CARMIL1: variants seen among roughly 807,000 people sequenced by gnomAD.
The protein encoded by CARMIL1 is F-actin-uncapping protein LRRC16A.
A neutral mutation model predicts 177.1 loss-of-function variants in CARMIL1; 90 were observed. That is an observed-to-expected ratio of 0.51 (90% CI 0.43 to 0.61). The LOEUF is 0.61. Among genes scored for constraint, CARMIL1 ranks in the 20% least tolerant of loss-of-function variants. CARMIL1 has a pLI of 0.00. For missense variants in CARMIL1, 1,380 were observed against 1,667.0 expected (o/e 0.83, Z 3.00); for synonymous variants, 577 against 606.2 (o/e 0.95, Z 0.71).
At chr6:25,488,011 A>G (rs926304109) in intron 12 of CARMIL1, among the ~76,000 whole-genome samples, 1 of 152,194 alleles carries the variant, frequency 6.6e-6, no homozygotes, top group Non-Finnish European at 1.5e-5. Context: ...TGTTTCCTTG[A>G]ATGTAATACA....
intron 4 of CARMIL1, 120 bp downstream of exon 4, chr6:25,426,680 A>T (rs1796308150): frequency 3.7e-6 from 3 of 816,354 alleles, no homozygotes; most frequent in Non-Finnish European, 5.7e-6. Flanking sequence ...TTTTGAAATG[A>T]GAGACTCAAC....
intron 4 of CARMIL1, among the ~76,000 whole-genome samples, chr6:25,429,237 G>A (rs1796527286): frequency 6.6e-6 from 1 of 152,172 alleles, no homozygotes; most frequent in South Asian, 2.1e-4. Flanking sequence ...GATTTCCAAT[G>A]TCCAAGGGTT....
intron 23 of CARMIL1, among the ~76,000 whole-genome samples, chr6:25,523,478 T>C (rs1445422889): frequency 2.0e-5 from 3 of 152,170 alleles, no homozygotes; most frequent in African/African-American, 7.2e-5. Flanking sequence ...AAGGTGACCA[T>C]GAGGATCCAG....
intron 17 of CARMIL1, among the ~76,000 whole-genome samples, chr6:25,501,992 TAAA>T (rs34408599): frequency 2.1e-5 from 2 of 97,258 alleles, no homozygotes; most frequent in East Asian, 3.3e-4. Context: ...AGACATATTG[TAAA>T]AAAAAAAAAA....
At chr6:25,464,593 C>T (rs1473488367) in intron 8 of CARMIL1, among the ~76,000 whole-genome samples, 1 of 152,150 alleles carries the variant, frequency 6.6e-6, no homozygotes. Context: ...TTGTCCTGCA[C>T]TGAGCATAAA....
At chr6:25,582,270 C>T (rs1414705961) in intron 31 of CARMIL1, among the ~76,000 whole-genome samples, 5 of 152,134 alleles carry the variant, frequency 3.3e-5, no homozygotes, top group Admixed American at 2.0e-4. Context: ...CTGTCATTCC[C>T]GACAGGAGAT....
At chr6:25,403,428 G>C (rs751942087) in intron 2 of CARMIL1, among the ~76,000 whole-genome samples, 1 of 152,108 alleles carries the variant, frequency 6.6e-6, no homozygotes, top group Non-Finnish European at 1.5e-5. Flanking sequence ...GGCAGTCAGA[G>C]ATTGGCCTTC....
chr6:25,373,327 A>T (rs1790613217), intron 2 of CARMIL1, among the ~76,000 whole-genome samples: 1 of 150,434 alleles, frequency 6.6e-6, no homozygotes, highest in Non-Finnish European at 1.5e-5. Context: ...TAGTTTCAGC[A>T]GATTGGTACC....
chr6:25,501,747 T>C (rs1804360312), intron 17 of CARMIL1, among the ~76,000 whole-genome samples: 2 of 152,164 alleles, frequency 1.3e-5, no homozygotes, highest in Non-Finnish European at 1.5e-5. Context: ...TGTCATACTA[T>C]ATTTTGTATT....
intron 5 of CARMIL1, among the ~76,000 whole-genome samples, chr6:25,448,529 A>G (rs1391226614): frequency 6.6e-6 from 1 of 152,086 alleles, no homozygotes; most frequent in Non-Finnish European, 1.5e-5. Flanking sequence ...TGTGGGTCTT[A>G]GCAGAGATAT....
At chr6:25,390,320 ATTTTTT>A (rs1287414586) in intron 2 of CARMIL1, among the ~76,000 whole-genome samples, 6 of 58,100 alleles carry the variant, frequency 1.0e-4, no homozygotes, top group African/African-American at 3.1e-4. Flanking sequence ...ATATATATAT[ATTTTTT>A]TTTTTTTTTT....
chr6:25,407,101 T>A (rs1341046860), intron 2 of CARMIL1, among the ~76,000 whole-genome samples: 1 of 152,110 alleles, frequency 6.6e-6, no homozygotes, highest in Non-Finnish European at 1.5e-5. Flanking sequence ...GATTGGCACC[T>A]CAAGCAGGAG....
At chr6:25,416,749 A>G (rs563515834) in intron 2 of CARMIL1, among the ~76,000 whole-genome samples, 4 of 152,312 alleles carry the variant, frequency 2.6e-5, no homozygotes, top group East Asian at 3.9e-4. Flanking sequence ...GCCACTGACT[A>G]GCTGTGAGAT....
intron 7 of CARMIL1, 84 bp downstream of exon 7, chr6:25,450,493 T>TC: frequency 2.3e-6 from 3 of 1,279,190 alleles, no homozygotes; most frequent in South Asian, 1.3e-5. Flanking sequence ...TTTCTTTTTT[T>TC]CCCTTCATTT....
At chr6:25,343,152 C>T (rs1210521485) in intron 2 of CARMIL1, among the ~76,000 whole-genome samples, 2 of 152,102 alleles carry the variant, frequency 1.3e-5, no homozygotes, top group Non-Finnish European at 2.9e-5. Context: ...CACTCTAAAG[C>T]GGTGTGTGTT....
At chr6:25,332,483 G>C (rs573608724) in intron 2 of CARMIL1, among the ~76,000 whole-genome samples, 1 of 152,192 alleles carries the variant, frequency 6.6e-6, no homozygotes, top group Admixed American at 6.5e-5. Context: ...AAGTGAATTT[G>C]CTGATGATCA....
intron 2 of CARMIL1, among the ~76,000 whole-genome samples, chr6:25,291,228 AG>A (rs766263970): frequency 1.3e-5 from 2 of 152,200 alleles, no homozygotes; most frequent in Non-Finnish European, 2.9e-5. Context: ...CGAAAGGCAT[AG>A]GGGTATTATT....
intron 2 of CARMIL1, among the ~76,000 whole-genome samples, chr6:25,415,284 T>C (rs1734642712): frequency 6.6e-6 from 1 of 152,172 alleles, no homozygotes; most frequent in Non-Finnish European, 1.5e-5. Flanking sequence ...CACCTCAGCC[T>C]CCTGAGTAGT....
intron 29 of CARMIL1, among the ~76,000 whole-genome samples, chr6:25,579,993 G>T (rs956853141): frequency 6.6e-6 from 1 of 152,032 alleles, no homozygotes; most frequent in Non-Finnish European, 1.5e-5. Flanking sequence ...GTTTATACAC[G>T]TACCAGTTTC....
Sources: gnomAD v4.1 joint callset for allele counts (sites outside exome capture counted in the v4.1 genomes callset) on GRCh38, gnomAD v4.1.1 for gene constraint, MANE v1.5 for transcripts, NCBI Gene and HGNC (gene_info 2026-07-23, HGNC 2026-07-21) for gene names.